Variants in SLC19A1 observed in about 807,000 individuals in gnomAD.
SLC19A1 encodes reduced folate transporter.
In SLC19A1, 37 loss-of-function variants were observed where a neutral mutation model predicts 35.3. The observed-to-expected ratio is 1.05, with a 90% confidence interval of 0.81 to 1.38. The LOEUF (loss-of-function observed/expected upper bound fraction) is 1.38, where lower values mean the gene tolerates loss of function less well. SLC19A1 is among the 40% of genes most tolerant of loss of function. The pLI, the probability that SLC19A1 is intolerant of heterozygous loss-of-function variation, is 0.00. For missense variants in SLC19A1, 831 were observed against 826.9 expected, an observed-to-expected ratio of 1.00 and a Z score of -0.06; for synonymous variants, 460 against 398.5, an observed-to-expected ratio of 1.15 and a Z score of -1.84.
chr21:45,517,501 C>G lies in SLC19A1; in HGVS notation c.1294-1361G>C, dbSNP rs1568973005. On this transcript the variant is annotated intron_variant, in intron 5 of 5. Coordinates refer to ENST00000311124, the MANE Select transcript of SLC19A1 (RefSeq NM_194255.4). The surrounding 1 kb of genome is among the most constrained non-coding windows in gnomAD (Gnocchi z 4.4). ...TCACCCCCAAGGAGTCAGCAGAGAC[C>G]ACAGGGAAGCCCAAGATGTCACCCC... Among the ~76,000 whole-genome samples the G allele has an allele frequency of 6.6e-6, 1 of 150,940 alleles. No individual in the cohort carries two copies. Among genetic ancestry groups the G allele is most frequent in the Non-Finnish European group, 1.5e-5 (1 of 67,924 alleles).
At chr21:45,537,342 C>T (rs1602876151) in intron 2 of SLC19A1, among the ~76,000 whole-genome samples, 1 of 152,220 alleles carries the variant, frequency 6.6e-6, no homozygotes, top group African/African-American at 2.4e-5. Context: ...CTCACCCGCT[C>T]CAGCCTCAAG....
intron 4 of SLC19A1, among the ~76,000 whole-genome samples, chr21:45,529,884 TGGTG>T (rs1347284489): frequency 1.3e-5 from 2 of 148,516 alleles, no homozygotes; most frequent in Non-Finnish European, 3.0e-5. Flanking sequence ...CATGTGAGTG[TGGTG>T]GGTGTCTGTG....
chr21:45,548,151 C>T (rs1426608907), upstream of SLC19A1, among the ~76,000 whole-genome samples: 3 of 152,150 alleles, frequency 2.0e-5, no homozygotes, highest in East Asian at 5.8e-4. Context: ...AGGGTGTCCA[C>T]GTAATTCATT....
downstream of SLC19A1, chr21:45,509,613 C>T (rs1382859649): frequency 3.5e-6 from 5 of 1,416,046 alleles, no homozygotes; most frequent in Non-Finnish European, 4.8e-6. Flanking sequence ...TGAGTGCCCC[C>T]CCAAAGTGGG....
Position 45,553,256 on chromosome 21 carries a change from C to T in SLC19A1, c.-50+9486G>A, listed in dbSNP as rs142921412. Among the ~76,000 whole-genome samples the T allele has an allele frequency of 4.1e-3, 625 of 152,044 alleles. 4 individuals carry two copies. The highest frequency in any genetic ancestry group is 0.014 in the African/African-American group (564 of 41,478). On this transcript the variant is annotated intron_variant, in intron 1 of 5. Coordinates refer to the SLC19A1 transcript ENST00000650808. ...CATCCCTCCCACCGGCCTAAGGGGA[C>T]GGGAGCCGCTGACCTTTAGGACCTG...
intron 1 of SLC19A1, among the ~76,000 whole-genome samples, chr21:45,560,362 A>C (rs1487488041): frequency 6.6e-6 from 1 of 152,186 alleles, no homozygotes; most frequent in Non-Finnish European, 1.5e-5. Flanking sequence ...TGGCCCCCAC[A>C]GGAGCTAATC....
At chr21:45,518,683 C>A (rs1371366343) in intron 5 of SLC19A1, among the ~76,000 whole-genome samples, 1 of 152,070 alleles carries the variant, frequency 6.6e-6, no homozygotes, top group Non-Finnish European at 1.5e-5. Flanking sequence ...ATCCTGAAAG[C>A]TATGAGGAAG....
intron 1 of SLC19A1, among the ~76,000 whole-genome samples, chr21:45,558,271 G>A (rs544120322): frequency 6.6e-6 from 1 of 152,338 alleles, no homozygotes; most frequent in South Asian, 2.1e-4. Flanking sequence ...AGTCCAGGTG[G>A]GCCACGGCTG....
intron 1 of SLC19A1, among the ~76,000 whole-genome samples, chr21:45,550,452 G>A (rs764235213): frequency 6.6e-6 from 1 of 152,222 alleles, no homozygotes; most frequent in Non-Finnish European, 1.5e-5. Flanking sequence ...GTTTCCACGT[G>A]GAAAGGGCTG....
At chr21:45,523,330 C>G (rs1353865242) in intron 5 of SLC19A1, among the ~76,000 whole-genome samples, 1 of 152,228 alleles carries the variant, frequency 6.6e-6, no homozygotes, top group Non-Finnish European at 1.5e-5. Context: ...ATCAAACCAG[C>G]CAGAGAAAAG....
At chr21:45,511,039 C>G, downstream of SLC19A1, 1 of 383,778 alleles carries the variant, frequency 2.6e-6, no homozygotes, top group Admixed American at 3.2e-5. Flanking sequence ...CATCCACACA[C>G]CCCCCCACAA....
chr21:45,509,480 C>T, downstream of SLC19A1: 1 of 1,528,044 alleles, frequency 6.5e-7, no homozygotes, highest in Non-Finnish European at 8.8e-7. Context: ...CTGGCCAGCC[C>T]CCCTCGCCTG....
At chr21:45,556,492 A>G (rs2078563487) in intron 1 of SLC19A1, among the ~76,000 whole-genome samples, 1 of 152,252 alleles carries the variant, frequency 6.6e-6, no homozygotes, top group Admixed American at 6.5e-5. Flanking sequence ...CTTATGTGAA[A>G]TCCTGCCTTT....
At chr21:45,523,034 T>A (rs1602730753) in intron 5 of SLC19A1, among the ~76,000 whole-genome samples, 1 of 150,582 alleles carries the variant, frequency 6.6e-6, no homozygotes, top group Non-Finnish European at 1.5e-5. Flanking sequence ...AATATAAGAT[T>A]ACCCAAATAT....
In SLC19A1 at chr21:45,507,561, C is replaced by T. The variant is rs756868239; in HGVS notation, c.498-8949G>A. On this transcript the variant is annotated intron_variant, in intron 3 of 4. Transcript: ENST00000417954. ...GGGTGACCCTGCTGCTTTCTTCCAG[C>T]TGGAGGCCCGGACACCACTCCCACG... 9 of 1,612,896 alleles carry T rather than the reference C, an allele frequency of 5.6e-6. No homozygotes were observed. The East Asian group carries it at 2.0e-4, about 36-fold the overall frequency.
rs570897773 is a variant in SLC19A1 at position 45,534,869 on chromosome 21, G to C, written c.190-2721C>G. ...CGGCCACGACTCTGACACGAGGACA[G>C]CCTCCTGCTGCCTGAGCCCAGCGTC... On this transcript the variant is annotated intron_variant, in intron 2 of 5. Coordinates refer to ENST00000311124, the MANE Select transcript of SLC19A1 (RefSeq NM_194255.4). The surrounding 1 kb of genome is among the most constrained non-coding windows in gnomAD (Gnocchi z 4.2). 6.6e-6 allele frequency among the ~76,000 whole-genome samples: 1 copy of C among 152,404 alleles called. No homozygotes were observed. Among genetic ancestry groups the C allele is most frequent in the East Asian group, 1.9e-4 (1 of 5,188 alleles).
At chr21:45,546,588 GC>G (rs1171530687), upstream of SLC19A1, among the ~76,000 whole-genome samples, 5 of 152,244 alleles carry the variant, frequency 3.3e-5, no homozygotes, top group African/African-American at 1.2e-4. Context: ...TGCTTAAATA[GC>G]CCATCTTTAC....
intron 1 of SLC19A1, among the ~76,000 whole-genome samples, chr21:45,552,851 A>G (rs548341858): frequency 2.7e-5 from 4 of 149,450 alleles, no homozygotes; most frequent in Non-Finnish European, 4.4e-5. Context: ...ATAGGAGGAC[A>G]CTGCTCAAAA....
intron 1 of SLC19A1, among the ~76,000 whole-genome samples, chr21:45,550,784 C>T (rs2078457731): frequency 6.6e-6 from 1 of 152,090 alleles, no homozygotes; most frequent in Non-Finnish European, 1.5e-5. Flanking sequence ...AGTCTGCAGA[C>T]CCCTCTCCTC....
Sources: allele counts gnomAD v4.1 joint callset (sites outside exome capture counted in the v4.1 genomes callset), GRCh38; gene constraint gnomAD v4.1.1; non-coding constraint Gnocchi (gnomAD v3.1); transcripts MANE v1.5; gene names NCBI Gene and HGNC (gene_info 2026-07-23, HGNC 2026-07-21).